Variants in PLA2G2C observed in about 807,000 individuals in gnomAD.
PLA2G2C encodes the protein putative inactive group IIC secretory phospholipase A2.
Under a neutral mutation model 14.3 loss-of-function variants are expected in PLA2G2C, and 15 were observed. That is an observed-to-expected ratio of 1.05 (90% confidence interval 0.70 to 1.62). PLA2G2C has a LOEUF of 1.62. Ranked by LOEUF, PLA2G2C falls within the 40% of genes most tolerant of loss-of-function variation. The pLI is 0.00. For missense variants in PLA2G2C, 162 were observed against 173.2 expected, an observed-to-expected ratio of 0.94 and a Z score of 0.36; for synonymous variants, 79 against 67.7, an observed-to-expected ratio of 1.17 and a Z score of -0.82.
At chr1:20,186,260 C>G (rs1389237256) in intron 1 of PLA2G2C, 100 bp downstream of exon 1, 1 of 152,256 alleles carries the variant, frequency 6.6e-6, no homozygotes, top group Non-Finnish European at 1.5e-5. Flanking sequence ...CCGGGAGGGC[C>G]TCCCCAGACC....
chr1:20,173,960 A>G (rs983147591), intron 3 of PLA2G2C, among the ~76,000 whole-genome samples: 1 of 152,106 alleles, frequency 6.6e-6, no homozygotes, highest in African/African-American at 2.4e-5. Context: ...GTTCAATCCT[A>G]ACTCTGCCAC....
At chr1:20,179,100 G>A (rs537973340) in intron 1 of PLA2G2C, among the ~76,000 whole-genome samples, 2 of 152,324 alleles carry the variant, frequency 1.3e-5, no homozygotes, top group East Asian at 3.9e-4. Context: ...TAGTTTAAAG[G>A]GCCATCCCTT....
chr1:20,165,236 G>A (rs1264908406), intron 4 of PLA2G2C, among the ~76,000 whole-genome samples: 2 of 152,142 alleles, frequency 1.3e-5, no homozygotes, highest in African/African-American at 4.8e-5. Context: ...CTTCTCCCCA[G>A]GATCTGCAAG....
chr1:20,170,766 C>T lies in PLA2G2C; in HGVS notation c.283+2028G>A, dbSNP rs545085892. On this transcript the variant is annotated intron_variant, in intron 4 of 4. Coordinates refer to ENST00000679259, the MANE Select transcript of PLA2G2C (RefSeq NM_001367969.2). Reference sequence around the variant, plus strand: ...CCACGCTAGTGCCCTGAGCAAGGCTCTGGACTCAGGAGCCCTGGTCAAGGC... The same window carrying T: ...CCACGCTAGTGCCCTGAGCAAGGCTTTGGACTCAGGAGCCCTGGTCAAGGC... 4.5e-4 allele frequency among the ~76,000 whole-genome samples: 43 copies of T among 96,540 alleles called. 7 individuals carry two copies. Among genetic ancestry groups the T allele is most frequent in the African/African-American group, 1.8e-3 (42 of 22,790 alleles). 63.3% of individuals were successfully genotyped at this position (96,540 alleles called of 152,430 possible).
chr1:20,176,628 C>G (rs1425736216), intron 2 of PLA2G2C, among the ~76,000 whole-genome samples: 1 of 152,192 alleles, frequency 6.6e-6, no homozygotes, highest in Admixed American at 6.5e-5. Context: ...GTACAGGTAT[C>G]CTCCTGCACT....
At chr1:20,178,050 G>A (rs1416424805) in intron 1 of PLA2G2C, among the ~76,000 whole-genome samples, 2 of 152,158 alleles carry the variant, frequency 1.3e-5, no homozygotes, top group African/African-American at 2.4e-5. Context: ...AATTCCTCAT[G>A]ATCACATAGC....
intron 2 of PLA2G2C, among the ~76,000 whole-genome samples, chr1:20,175,728 C>T (rs984787006): frequency 6.6e-6 from 1 of 152,088 alleles, no homozygotes; most frequent in African/African-American, 2.4e-5. Context: ...TTGGAAACCA[C>T]CCACATGTCC....
chr1:20,172,656 A>C, intron 4 of PLA2G2C, 138 bp downstream of exon 4: 1 of 735,632 alleles, frequency 1.4e-6, no homozygotes, highest in Admixed American at 2.9e-5. Context: ...CTGGAGCATC[A>C]GGAGAAAGCT....
rs1478451775 is a variant in PLA2G2C at position 20,163,759 on chromosome 1, C to G, written c.*232G>C. 1.9e-6 allele frequency: 1 copy of G among 526,536 alleles called. No homozygotes were observed. The highest frequency in any genetic ancestry group is 3.4e-6 in the Non-Finnish European group (1 of 298,066). 32.6% of individuals were successfully genotyped at this position (526,536 alleles called of 1,614,324 possible). A position where few individuals can be genotyped will look rare whatever the true frequency, so the allele number is the denominator to read the frequency against. ...TCCTCCCCACTCCACAGAATGCCAG[C>G]TCCTGCAGGGCAGGCATCTCATCTT... is the stretch of plus-strand genomic sequence containing the variant. On this transcript the variant is annotated 3_prime_UTR_variant, in exon 5 of 5. Transcript: ENST00000679259.
At chr1:20,184,197 G>GCGCACACACA (rs1553184784) in intron 1 of PLA2G2C, 35 of 149,722 alleles carry the variant, frequency 2.3e-4, no homozygotes, top group East Asian at 1.4e-3. Context: ...GTGCGCACAC[G>GCGCACACACA]CACACACACA....
chr1:20,163,770 C>A lies in PLA2G2C; in HGVS notation c.*221G>T. ...CCACAGAATGCCAGCTCCTGCAGGGCAGGCATCTCATCTTTCCCATTTCTG... is the reference window on the plus strand; with the variant it reads ...CCACAGAATGCCAGCTCCTGCAGGGAAGGCATCTCATCTTTCCCATTTCTG... On this transcript the variant is annotated 3_prime_UTR_variant, in exon 5 of 5. Coordinates refer to ENST00000679259, the MANE Select transcript of PLA2G2C (RefSeq NM_001367969.2). 1.8e-6 allele frequency: 1 copy of A among 546,168 alleles called. No homozygotes were observed. The highest frequency in any genetic ancestry group is 2.4e-5 in the South Asian group (1 of 40,984). The allele number at this position is 546,168 out of a possible 1,614,324, so 33.8% of individuals were successfully genotyped here. A position where few individuals can be genotyped will look rare whatever the true frequency, so the allele number is the denominator to read the frequency against.
rs1569931895 is a variant in PLA2G2C at position 20,173,797 on chromosome 1, C to T, written c.180-900G>A. 2.0e-5 allele frequency among the ~76,000 whole-genome samples: 3 copies of T among 152,366 alleles called. No individual in the cohort carries two copies. In the East Asian group the frequency reaches 5.8e-4, roughly 29 times the overall value. On this transcript the variant is annotated intron_variant, in intron 3 of 4. Coordinates refer to ENST00000679259, the MANE Select transcript of PLA2G2C (RefSeq NM_001367969.2). ...GAAAGGCCAAGAAAAATGTTTCAGT[C>T]TCCCTCTCTCACCATTCCCATCTGC...
rs760242869 is a variant in PLA2G2C at position 20,170,958 on chromosome 1, C to T, written c.283+1836G>A. Among the ~76,000 whole-genome samples the T allele has an allele frequency of 1.1e-4, 16 of 141,648 alleles. 4 individuals carry two copies. The highest frequency in any genetic ancestry group is 3.4e-3 in the Middle Eastern group (1 of 294). The allele number at this position is 141,648 out of a possible 152,430, so 92.9% of individuals were successfully genotyped here. A position where few individuals can be genotyped will look rare whatever the true frequency, so the allele number is the denominator to read the frequency against. ...AGCCTCTGCTCCTCAACCTTTGCTC[C>T]ACTCTCCCTCATCTCCTGGGGTCCT... On this transcript the variant is annotated intron_variant, in intron 4 of 4. Transcript: ENST00000679259.
chr1:20,180,616 T>G (rs1292346122), intron 1 of PLA2G2C, among the ~76,000 whole-genome samples: 2 of 152,236 alleles, frequency 1.3e-5, no homozygotes, highest in Non-Finnish European at 2.9e-5. Flanking sequence ...CTCTTGTTCG[T>G]GTGGCATTTT....
chr1:20,172,568 G>C (rs1232301659), intron 4 of PLA2G2C, among the ~76,000 whole-genome samples: 1 of 152,124 alleles, frequency 6.6e-6, no homozygotes, highest in Non-Finnish European at 1.5e-5. Context: ...CCAGGCTCTG[G>C]GCCCCCAGAG....
intron 4 of PLA2G2C, among the ~76,000 whole-genome samples, chr1:20,164,713 T>A (rs1427288469): frequency 1.3e-5 from 2 of 152,238 alleles, no homozygotes; most frequent in Non-Finnish European, 2.9e-5. Context: ...ACCCTTGATA[T>A]CCTAGTGCTC....
At chr1:20,184,197 G>GCACACA (rs5772887) in intron 1 of PLA2G2C, 16,806 of 149,550 alleles carry the variant, frequency 0.11, 953 homozygotes, top group South Asian at 0.17. Context: ...GTGCGCACAC[G>GCACACA]CACACACACA....
Position 20,174,693 on chromosome 1 carries a change from G to A in PLA2G2C, c.179+314C>T, listed in dbSNP as rs928383406. On this transcript the variant is annotated intron_variant, in intron 3 of 4. Coordinates refer to ENST00000679259, the MANE Select transcript of PLA2G2C (RefSeq NM_001367969.2). ...AGAATTTCAAGATGGTGGCAGCAGAGCAGTAAACCATGTTTAGGCCCTTAT... is the reference window on the plus strand; with the variant it reads ...AGAATTTCAAGATGGTGGCAGCAGAACAGTAAACCATGTTTAGGCCCTTAT... Among the ~76,000 whole-genome samples the A allele has an allele frequency of 4.6e-5, 7 of 152,220 alleles. 1 individual carries two copies. The highest frequency in any genetic ancestry group is 7.3e-5 in the Non-Finnish European group (5 of 68,044).
At chr1:20,172,578 G>A (rs577027144) in intron 4 of PLA2G2C, among the ~76,000 whole-genome samples, 6 of 152,306 alleles carry the variant, frequency 3.9e-5, no homozygotes, top group Admixed American at 3.9e-4. Flanking sequence ...GGCCCCCAGA[G>A]AGTTCAGGAG....
Sources: gnomAD v4.1 joint callset for allele counts (sites outside exome capture counted in the v4.1 genomes callset) on GRCh38, gnomAD v4.1.1 for gene constraint, MANE v1.5 for transcripts, NCBI Gene and HGNC (gene_info 2026-07-23, HGNC 2026-07-21) for gene names.